CDH12: variants seen among roughly 807,000 people sequenced by gnomAD.
CDH12 encodes the protein cadherin-12.
CDH12 carries 41 observed loss-of-function variants against 74.1 expected under a neutral mutation model. The ratio of observed to expected loss-of-function variants is 0.55; its 90% confidence interval spans 0.43 to 0.72. The LOEUF is 0.72. Among genes scored for constraint, CDH12 ranks in the 30% least tolerant of loss-of-function variants. The probability of loss-of-function intolerance (pLI) is 0.00; values close to 1 mark genes in which losing one functional copy is unlikely to be tolerated. For synonymous variants in CDH12, 399 were observed against 355.0 expected, an observed-to-expected ratio of 1.12 and a Z score of -1.39; for missense variants, 945 against 977.2, an observed-to-expected ratio of 0.97 and a Z score of 0.44.
intron 5 of CDH12, among the ~76,000 whole-genome samples, chr5:22,044,589 T>C (rs1229881132): frequency 1.3e-5 from 2 of 152,172 alleles, no homozygotes; most frequent in Non-Finnish European, 2.9e-5. Context: ...CAATTTGTAA[T>C]GAGATTTGGG....
chr5:22,688,083 G>A (rs1165040884), intron 1 of CDH12, among the ~76,000 whole-genome samples: 1 of 152,022 alleles, frequency 6.6e-6, no homozygotes, highest in Non-Finnish European at 1.5e-5. Flanking sequence ...GTTACCAGCT[G>A]TGTGACTGAC....
At chr5:22,012,536 T>G (rs1025104696) in intron 5 of CDH12, among the ~76,000 whole-genome samples, 1 of 152,202 alleles carries the variant, frequency 6.6e-6, no homozygotes, top group Non-Finnish European at 1.5e-5. Flanking sequence ...GAAAAGCTTT[T>G]ACTCTGATGT....
chr5:22,010,598 C>T (rs1268074603), intron 5 of CDH12, among the ~76,000 whole-genome samples: 14 of 152,158 alleles, frequency 9.2e-5, no homozygotes, highest in Non-Finnish European at 1.9e-4. Context: ...AATATGCAAT[C>T]TGTGAACACT....
chr5:22,844,534 G>T (rs1020704377), intron 1 of CDH12, among the ~76,000 whole-genome samples: 2 of 152,064 alleles, frequency 1.3e-5, no homozygotes, highest in Non-Finnish European at 2.9e-5. Context: ...ACACTGGATA[G>T]CTAACATCCT....
intron 1 of CDH12, among the ~76,000 whole-genome samples, chr5:22,637,914 C>T (rs1465255576): frequency 1.3e-5 from 2 of 152,108 alleles, no homozygotes; most frequent in African/African-American, 4.8e-5. Context: ...GTTTCTTTTT[C>T]TTGGCAATTC....
chr5:22,831,740 C>CA (rs368893332), intron 1 of CDH12, among the ~76,000 whole-genome samples: 22 of 151,386 alleles, frequency 1.5e-4, no homozygotes, highest in African/African-American at 4.6e-4. Context: ...ACTAAAAATA[C>CA]AAAAAAAATT....
intron 4 of CDH12, among the ~76,000 whole-genome samples, chr5:22,106,661 T>C (rs1329513790): frequency 6.6e-6 from 1 of 152,200 alleles, no homozygotes; most frequent in Non-Finnish European, 1.5e-5. Flanking sequence ...GCCTATCCCA[T>C]GGCTCCAAGC....
At chr5:22,253,878 A>G (rs2150389165) in intron 3 of CDH12, among the ~76,000 whole-genome samples, 1 of 152,088 alleles carries the variant, frequency 6.6e-6, no homozygotes, top group Admixed American at 6.6e-5. Flanking sequence ...ACAGATTGTT[A>G]TTTTAAAGTA....
At chr5:22,307,908 TCTCA>T (rs1258589619) in intron 3 of CDH12, among the ~76,000 whole-genome samples, 4 of 105,426 alleles carry the variant, frequency 3.8e-5, no homozygotes. Flanking sequence ...TGAGACAGAG[TCTCA>T]CTCTGTCGCC....
chr5:22,576,173 C>G (rs1739778825), intron 1 of CDH12, among the ~76,000 whole-genome samples: 1 of 152,142 alleles, frequency 6.6e-6, no homozygotes, highest in Non-Finnish European at 1.5e-5. Flanking sequence ...GTTCTTGAAC[C>G]CTGCTTCATT....
At chr5:22,788,388 G>GAGGGTA (rs1330326565) in intron 1 of CDH12, among the ~76,000 whole-genome samples, 78 of 151,908 alleles carry the variant, frequency 5.1e-4, no homozygotes, top group Admixed American at 1.4e-3. Flanking sequence ...TTGCTTGGAT[G>GAGGGTA]AGGGTAAGGG....
intron 6 of CDH12, among the ~76,000 whole-genome samples, chr5:21,970,798 C>CCACTA (rs1232691086): frequency 7.8e-6 from 1 of 128,780 alleles, no homozygotes; most frequent in African/African-American, 3.0e-5. Context: ...CAAGACCATA[C>CCACTA]CACTACACTC....
chr5:21,904,581 T>TTC, intron 6 of CDH12, among the ~76,000 whole-genome samples: 1 of 151,730 alleles, frequency 6.6e-6, no homozygotes, highest in South Asian at 2.1e-4. Context: ...CCAGCCCGAG[T>TTC]AACATAGAGA....
chr5:22,760,693 A>AC (rs1746170445), intron 1 of CDH12, among the ~76,000 whole-genome samples: 1 of 151,050 alleles, frequency 6.6e-6, no homozygotes, highest in East Asian at 1.9e-4. Context: ...AAAAAAAAAA[A>AC]AAAAAAACAA....
Position 22,732,465 on chromosome 5 carries a change from T to C in CDH12, c.-523+120593A>G, listed in dbSNP as rs1275932983. 4.1e-3 allele frequency among the ~76,000 whole-genome samples: 400 copies of C among 96,440 alleles called. 1 individual carries two copies. Among genetic ancestry groups the C allele is most frequent in the African/African-American group, 0.013 (367 of 27,404 alleles). 63.3% of individuals were successfully genotyped at this position (96,440 alleles called of 152,430 possible). A position where few individuals can be genotyped will look rare whatever the true frequency, so the allele number is the denominator to read the frequency against. ...ATATGTGAATGTGTGTGTATATATA[T>C]ATATATACACACACACACACACACA... is the stretch of plus-strand genomic sequence containing the variant. On this transcript the variant is annotated intron_variant, in intron 1 of 14. Transcript: ENST00000382254.
chr5:21,782,638 G>T (rs1745977237), intron 11 of CDH12, among the ~76,000 whole-genome samples: 1 of 152,170 alleles, frequency 6.6e-6, no homozygotes, highest in Admixed American at 6.5e-5. Flanking sequence ...AAGGAATGGG[G>T]AGCTGCACTT....
chr5:22,478,176 T>C (rs1003704255), intron 2 of CDH12, among the ~76,000 whole-genome samples: 2 of 151,996 alleles, frequency 1.3e-5, no homozygotes, highest in African/African-American at 2.4e-5. Flanking sequence ...CCCAGCACTT[T>C]GGGAGGCCGA....
intron 3 of CDH12, among the ~76,000 whole-genome samples, chr5:22,301,689 C>T (rs1295407244): frequency 4.6e-5 from 7 of 151,552 alleles, no homozygotes; most frequent in East Asian, 3.9e-4. Flanking sequence ...TGGAGTGCAG[C>T]GGCTTGATCT....
intron 1 of CDH12, among the ~76,000 whole-genome samples, chr5:22,740,759 G>T (rs527320206): frequency 1.1e-4 from 17 of 152,024 alleles, no homozygotes; most frequent in Non-Finnish European, 2.2e-4. Context: ...AGGCTTAAAT[G>T]AACAATTTTG....
Sources: gnomAD v4.1 joint callset for allele counts (sites outside exome capture counted in the v4.1 genomes callset) on GRCh38, gnomAD v4.1.1 for gene constraint, MANE v1.5 for transcripts, NCBI Gene and HGNC (gene_info 2026-07-23, HGNC 2026-07-21) for gene names.